The following PCDHA5 variants were observed in gnomAD, a reference collection of about 807,000 sequenced individuals.
PCDHA5 encodes the protein protocadherin alpha 5.
Under a neutral mutation model 61.6 loss-of-function variants are expected in PCDHA5, and 43 were observed. The ratio of observed to expected loss-of-function variants is 0.70; its 90% CI spans 0.55 to 0.90. PCDHA5 has a LOEUF of 0.90. Among genes scored for constraint, PCDHA5 ranks in the 40% least tolerant of loss-of-function variants. The pLI is 0.00. For synonymous variants in PCDHA5, 627 were observed against 543.9 expected, an observed-to-expected ratio of 1.15 and a Z score of -2.13; for missense variants, 1,298 against 1,222.7, an observed-to-expected ratio of 1.06 and a Z score of -0.92.
intron 1 of PCDHA5, among the ~76,000 whole-genome samples, chr5:140,976,876 G>A (rs1166300025): frequency 6.6e-6 from 1 of 152,160 alleles, no homozygotes; most frequent in Non-Finnish European, 1.5e-5. Flanking sequence ...GACAAAGAAA[G>A]AATTAGGATA....
At chr5:140,929,103 G>C (rs1424047708) in intron 1 of PCDHA5, 1 of 1,614,062 alleles carries the variant, frequency 6.2e-7, no homozygotes, top group East Asian at 2.2e-5. Flanking sequence ...ATCCTTGCAT[G>C]ACATCAGCCA....
chr5:140,858,585 T>C, intron 1 of PCDHA5: 1 of 1,345,266 alleles, frequency 7.4e-7, no homozygotes, highest in Non-Finnish European at 1.0e-6. Context: ...GTAATATAAT[T>C]TATTCCAGGA....
chr5:140,833,072 T>G (rs1212811880), intron 1 of PCDHA5, among the ~76,000 whole-genome samples: 2 of 152,190 alleles, frequency 1.3e-5, no homozygotes, highest in African/African-American at 4.8e-5. Flanking sequence ...AAACCTTTTG[T>G]ATAACTTTGA....
chr5:140,927,670 C>A lies in PCDHA5; in HGVS notation c.2353-51279C>A, dbSNP rs1006141153. ...GTTATTCCGAGTTCAAGCCTTGGATCCAGATGAAGGGTCCAATGGGGAAGT... is the reference window on the plus strand; with the variant it reads ...GTTATTCCGAGTTCAAGCCTTGGATACAGATGAAGGGTCCAATGGGGAAGT... On this transcript the variant is annotated intron_variant, in intron 1 of 3. Transcript: ENST00000529859. 2.5e-6 allele frequency: 4 copies of A among 1,614,166 alleles called. No homozygotes were observed. The highest frequency in any genetic ancestry group is 3.4e-6 in the Non-Finnish European group (4 of 1,180,028).
At position 140,834,260 on chromosome 5, in the gene PCDHA5, C is replaced by T. The variant is rs2150214634; in HGVS notation, c.2352+10133C>T. The stretch of plus-strand genomic sequence containing the variant: ...CTTTTCGCACTGGAAAGACGCTCCA[C>T]TCTCTTTCACTCTTTGGATGCACAA... On this transcript the variant is annotated intron_variant, in intron 1 of 3. Transcript: ENST00000529859. The T allele has an allele frequency of 9.3e-6, 9 of 972,854 alleles. No homozygotes were observed. In the South Asian group the frequency reaches 1.5e-4, roughly 16 times the overall value. 60.3% of individuals were successfully genotyped at this position (972,854 alleles called of 1,614,324 possible).
At chr5:140,824,256 C>A (rs1554129826) in intron 1 of PCDHA5, 129 bp downstream of exon 1, 2 of 1,360,236 alleles carry the variant, frequency 1.5e-6, no homozygotes, top group Non-Finnish European at 2.1e-6. Context: ...ACAATTATTG[C>A]ACTAATTCAT....
At chr5:140,870,069 A>G (rs376226695) in intron 1 of PCDHA5, 43 of 1,613,780 alleles carry the variant, frequency 2.7e-5, no homozygotes, top group Non-Finnish European at 3.4e-5. Flanking sequence ...TACAGGCTAC[A>G]GATAAGGGGA....
chr5:140,867,157 C>T (rs1194187128), intron 1 of PCDHA5: 2 of 152,166 alleles, frequency 1.3e-5, no homozygotes, highest in East Asian at 3.9e-4. Context: ...CCAGAGTAAA[C>T]CTTCTAAGGT....
chr5:140,884,466 C>T (rs1212644572), intron 1 of PCDHA5: 3 of 1,613,764 alleles, frequency 1.9e-6, no homozygotes, highest in Non-Finnish European at 2.5e-6. Context: ...GGCGCGTGCG[C>T]GCCGGGCAAG....
At position 140,851,623 on chromosome 5, in the gene PCDHA5, TA is replaced by T. The variant is rs1286415417; in HGVS notation, c.2352+27499del. 3.6e-5 allele frequency: 33 copies of T among 920,270 alleles called. 3 individuals carry two copies. Among genetic ancestry groups the T allele is most frequent in the Non-Finnish European group, 3.8e-5 (29 of 756,686 alleles). The allele number at this position is 920,270 out of a possible 1,614,324, so 57.0% of individuals were successfully genotyped here. On this transcript the variant is annotated intron_variant, in intron 1 of 3. Transcript: ENST00000529859. ...TACAGAAATTGGAGAAAATGCTTTT[TA>T]AACAAGTGTTTCCTTTCTTCAAGAA... is the stretch of plus-strand genomic sequence containing the variant.
At chr5:140,883,686 A>T in intron 1 of PCDHA5, 1 of 1,613,782 alleles carries the variant, frequency 6.2e-7, no homozygotes, top group South Asian at 1.1e-5. Context: ...CCGGGCTGCC[A>T]CATCTTCACG....
At chr5:140,954,618 G>C (rs1312581802) in intron 1 of PCDHA5, among the ~76,000 whole-genome samples, 3 of 152,078 alleles carry the variant, frequency 2.0e-5, no homozygotes, top group Non-Finnish European at 2.9e-5. Flanking sequence ...TAATGGGCTT[G>C]TTTGGGTTTT....
intron 1 of PCDHA5, among the ~76,000 whole-genome samples, chr5:140,902,299 A>G (rs2069363932): frequency 6.6e-6 from 1 of 150,916 alleles, no homozygotes; most frequent in Admixed American, 6.6e-5. Flanking sequence ...CAGCCTCCCA[A>G]AGTGCTGGGA....
chr5:140,898,644 T>C (rs2066890005), intron 1 of PCDHA5, among the ~76,000 whole-genome samples: 2 of 152,226 alleles, frequency 1.3e-5, no homozygotes, highest in Admixed American at 1.3e-4. Context: ...GCTTTGTTCT[T>C]TTGGCTTAGG....
At chr5:140,932,967 T>C (rs367764644) in intron 1 of PCDHA5, among the ~76,000 whole-genome samples, 2 of 152,036 alleles carry the variant, frequency 1.3e-5, no homozygotes, top group South Asian at 2.1e-4. Context: ...TGCTGAAAGG[T>C]TTTTACAATG....
chr5:140,956,194 A>G (rs1370463281), intron 1 of PCDHA5, among the ~76,000 whole-genome samples: 1 of 152,060 alleles, frequency 6.6e-6, no homozygotes, highest in Non-Finnish European at 1.5e-5. Flanking sequence ...GCTGAATAGG[A>G]GTGGTGAAAG....
At chr5:140,941,750 T>C (rs528792646) in intron 1 of PCDHA5, among the ~76,000 whole-genome samples, 2 of 152,384 alleles carry the variant, frequency 1.3e-5, no homozygotes, top group Admixed American at 6.5e-5. Flanking sequence ...TATCAGATTT[T>C]CAGTGCTTTT....
chr5:140,992,807 C>T (rs781970284), intron 3 of PCDHA5, among the ~76,000 whole-genome samples: 2 of 152,226 alleles, frequency 1.3e-5, no homozygotes, highest in African/African-American at 4.8e-5. Flanking sequence ...CCATATGTAT[C>T]TAAGGATGTG....
chr5:140,977,032 A>G (rs1488885995), intron 1 of PCDHA5, among the ~76,000 whole-genome samples: 3 of 152,212 alleles, frequency 2.0e-5, no homozygotes, highest in African/African-American at 7.2e-5. Flanking sequence ...TGAATCTAAG[A>G]AGGATGTTGT....
Sources: gnomAD v4.1 joint callset for allele counts (sites outside exome capture counted in the v4.1 genomes callset) on GRCh38, gnomAD v4.1.1 for gene constraint, MANE v1.5 for transcripts, NCBI Gene and HGNC (gene_info 2026-07-23, HGNC 2026-07-21) for gene names.